Variants in HYAL4 observed in about 807,000 individuals in gnomAD.
The protein encoded by HYAL4 is hyaluronidase 4.
Under a neutral mutation model 35.2 loss-of-function variants are expected in HYAL4, and 37 were observed. The ratio of observed to expected loss-of-function variants is 1.05; its 90% confidence interval spans 0.81 to 1.38. HYAL4 has a LOEUF of 1.38. Ranked by LOEUF, HYAL4 falls within the 40% of genes most tolerant of loss-of-function variation. HYAL4 has a pLI of 0.00. For missense variants in HYAL4, 572 were observed against 572.4 expected, an observed-to-expected ratio of 1.00 and a Z score of 0.01; for synonymous variants, 198 against 203.2, an observed-to-expected ratio of 0.97 and a Z score of 0.22.
chr7:123,804,450 T>C, the HYAL4 span, among the ~76,000 whole-genome samples: 2 of 152,214 alleles, frequency 1.3e-5, no homozygotes, highest in Non-Finnish European at 2.9e-5. Context: ...ATATTACTTT[T>C]TGAGTAATAA....
the HYAL4 span, among the ~76,000 whole-genome samples, chr7:123,793,510 A>G: frequency 2.0e-5 from 3 of 152,028 alleles, no homozygotes; most frequent in South Asian, 4.2e-4. Context: ...CATGGGAGGG[A>G]CCTGGTGGAA....
chr7:123,853,446 G>A (rs1453352575), intron 2 of HYAL4, among the ~76,000 whole-genome samples: 1 of 152,168 alleles, frequency 6.6e-6, no homozygotes, highest in Admixed American at 6.5e-5. Flanking sequence ...AAGAGGTGTT[G>A]AATTTTATTG....
intron 2 of HYAL4, among the ~76,000 whole-genome samples, chr7:123,861,515 A>G (rs1388354773): frequency 6.6e-6 from 1 of 152,176 alleles, no homozygotes; most frequent in African/African-American, 2.4e-5. Flanking sequence ...TTCAAGTCCT[A>G]AAAGAGGAGT....
chr7:123,803,745 A>T, the HYAL4 span, among the ~76,000 whole-genome samples: 2 of 152,164 alleles, frequency 1.3e-5, no homozygotes, highest in African/African-American at 4.8e-5. Flanking sequence ...CCATGTGAAG[A>T]TATGTACACC....
rs533354527 is a variant in HYAL4 at position 123,839,913 on chromosome 7, A to G, written c.-256-4332A>G. 2.0e-5 allele frequency among the ~76,000 whole-genome samples: 3 copies of G among 152,286 alleles called. No individual in the cohort carries two copies. The East Asian group carries it at 5.8e-4, about 29-fold the overall frequency. On this transcript the variant is annotated intron_variant, in intron 1 of 4. Transcript: ENST00000489978. Reference sequence around the variant, plus strand: ...CCCTTTGTCAGATGGATAGATTGCAAAAATTTTCTGCCATGCTGTAGGTTG... The same window carrying G: ...CCCTTTGTCAGATGGATAGATTGCAGAAATTTTCTGCCATGCTGTAGGTTG...
chr7:123,853,743 A>G (rs1806366535), intron 2 of HYAL4, among the ~76,000 whole-genome samples: 1 of 152,214 alleles, frequency 6.6e-6, no homozygotes, highest in Non-Finnish European at 1.5e-5. Context: ...TGGCCTCATA[A>G]AATGAGTTAG....
At chr7:123,861,923 C>G (rs1806584321) in intron 2 of HYAL4, among the ~76,000 whole-genome samples, 1 of 151,976 alleles carries the variant, frequency 6.6e-6, no homozygotes. Context: ...CCATAGGCAA[C>G]AAGTTTTTAA....
At chr7:123,843,667 C>T (rs945147948), upstream of HYAL4, among the ~76,000 whole-genome samples, 1 of 151,950 alleles carries the variant, frequency 6.6e-6, no homozygotes, top group African/African-American at 2.4e-5. Flanking sequence ...TTCACATAGT[C>T]CCATATTTCT....
the HYAL4 span, among the ~76,000 whole-genome samples, chr7:123,787,818 A>G: frequency 5.9e-5 from 9 of 152,194 alleles, no homozygotes; most frequent in Admixed American, 2.0e-4. Context: ...TTTGGATGAA[A>G]AACAGAAAAA....
Position 123,868,595 on chromosome 7 carries a change from A to C in HYAL4, c.322A>C (p.Ile108Leu). The C allele has an allele frequency of 6.2e-7, 1 of 1,614,220 alleles. No homozygotes were observed. The highest frequency in any genetic ancestry group is 8.5e-7 in the Non-Finnish European group (1 of 1,180,032). The change falls in exon 3 of 5, where the codon ATT (isoleucine) becomes CTT (leucine). Residue 108 changes from isoleucine to leucine, a missense_variant. Transcript: ENST00000223026. ...GTGGTATACATCACAAGGGGTCCCC[A>C]TTAATGGAGGTCTCCCACAGAACAT... ...YPWYTSQGVPINGGLPQNISL... is the reference protein window; with the variant it reads ...YPWYTSQGVPLNGGLPQNISL...
intron 1 of HYAL4, among the ~76,000 whole-genome samples, chr7:123,838,017 C>A (rs895205984): frequency 1.3e-5 from 2 of 152,080 alleles, no homozygotes; most frequent in African/African-American, 4.8e-5. Flanking sequence ...GATTTATAAT[C>A]CTTTGGGTAT....
the HYAL4 span, among the ~76,000 whole-genome samples, chr7:123,781,528 GTCTTTT>G: frequency 6.7e-6 from 1 of 149,788 alleles, no homozygotes; most frequent in East Asian, 2.0e-4. Context: ...TTGTCTCTGT[GTCTTTT>G]TCTTTTCCAA....
chr7:123,873,054 A>T (rs1584928446), intron 3 of HYAL4, among the ~76,000 whole-genome samples: 1 of 152,280 alleles, frequency 6.6e-6, no homozygotes, highest in Non-Finnish European at 1.5e-5. Flanking sequence ...ACTATATGAC[A>T]CCATTTTCAG....
At chr7:123,786,680 A>G in the HYAL4 span, among the ~76,000 whole-genome samples, 2 of 152,074 alleles carry the variant, frequency 1.3e-5, no homozygotes, top group East Asian at 1.9e-4. Context: ...ACCTTAGCAC[A>G]TAATACATTC....
chr7:123,805,882 C>A, the HYAL4 span, among the ~76,000 whole-genome samples: 2 of 152,000 alleles, frequency 1.3e-5, no homozygotes, highest in African/African-American at 4.8e-5. Flanking sequence ...GTAATCCCAG[C>A]TACTTGGAGG....
the HYAL4 span, among the ~76,000 whole-genome samples, chr7:123,782,639 A>C: frequency 6.6e-6 from 1 of 152,114 alleles, no homozygotes; most frequent in Non-Finnish European, 1.5e-5. Context: ...CACTTTCAAA[A>C]GTGTTTCAGT....
In HYAL4 at chr7:123,869,100, G is replaced by A. The variant is rs1481760488; in HGVS notation, c.827G>A (p.Arg276His). The change falls in exon 3 of 5, where the codon CGC becomes CAC. Residue 276 changes from arginine (R) to histidine (H), a missense_variant. Physicochemically the swap from Arg to His is conservative, Grantham distance 29. Coordinates refer to ENST00000223026, the MANE Select transcript of HYAL4 (RefSeq NM_012269.3). ...KSLGDSENIL[R>H]FSKFRVHESM... ...CTTGGAGACAGTGAAAACATTTTGC[G>A]CTTCTCCAAATTTCGGGTGCATGAA... 24 of 1,614,000 alleles carry A rather than the reference G, an allele frequency of 1.5e-5. No individual in the cohort carries two copies. The highest frequency in any genetic ancestry group is 1.9e-5 in the Non-Finnish European group (22 of 1,180,012).
chr7:123,866,685 T>C (rs539245922), intron 2 of HYAL4, among the ~76,000 whole-genome samples: 1 of 152,236 alleles, frequency 6.6e-6, no homozygotes, highest in African/African-American at 2.4e-5. Context: ...AATAATTTCA[T>C]AGTAGTTTTA....
upstream of HYAL4, among the ~76,000 whole-genome samples, chr7:123,828,596 T>C (rs1405860672): frequency 1.3e-5 from 2 of 152,172 alleles, no homozygotes; most frequent in African/African-American, 4.8e-5. Flanking sequence ...AGTATCAACA[T>C]TGAAAATGTT....
Sources: allele counts gnomAD v4.1 joint callset (sites outside exome capture counted in the v4.1 genomes callset), GRCh38; gene constraint gnomAD v4.1.1; transcripts MANE v1.5; gene names NCBI Gene and HGNC (gene_info 2026-07-23, HGNC 2026-07-21).